Variants in LUC7L3 observed in about 807,000 individuals in gnomAD.
LUC7L3 encodes luc7-like protein 3.
Under a neutral mutation model 66.8 loss-of-function variants are expected in LUC7L3, and 6 were observed. That is an observed-to-expected ratio of 0.09 (90% CI 0.05 to 0.18). The LOEUF (loss-of-function observed/expected upper bound fraction) is 0.18. Among genes scored for constraint, LUC7L3 ranks in the 10% least tolerant of loss-of-function variants. The pLI is 1.00. For missense variants in LUC7L3, 341 were observed against 531.1 expected, an observed-to-expected ratio of 0.64 and a Z score of 3.52; for synonymous variants, 160 against 174.7, an observed-to-expected ratio of 0.92 and a Z score of 0.66.
rs1012617151 is a variant in LUC7L3, at chr17:50,740,238, T to G, written c.167-68T>G. On this transcript the variant is annotated intron_variant, in intron 2 of 9. Coordinates refer to ENST00000505658, the MANE Select transcript of LUC7L3 (RefSeq NM_016424.5). ...TTCTTTTTAAAAAGAAAAATAACTC[T>G]TTTTTTTTGGCAAGAAAAGGTTGCT... 11 of 1,084,774 alleles carry G rather than the reference T, an allele frequency of 1.0e-5. No homozygotes were observed. In the African/African-American group the frequency reaches 2.8e-4, roughly 27 times the overall value. 67.2% of individuals were successfully genotyped at this position (1,084,774 alleles called of 1,614,324 possible). A position where few individuals can be genotyped will look rare whatever the true frequency, so the allele number is the denominator to read the frequency against.
At chr17:50,733,077 T>C (rs1969730504) in intron 1 of LUC7L3, among the ~76,000 whole-genome samples, 1 of 152,194 alleles carries the variant, frequency 6.6e-6, no homozygotes, top group Non-Finnish European at 1.5e-5. Flanking sequence ...ACCTTAAACT[T>C]ACGAAACACT....
chr17:50,753,339 G>C lies in LUC7L3; in HGVS notation c.*2678G>C, dbSNP rs906333753. On this transcript the variant is annotated 3_prime_UTR_variant, in exon 10 of 10. Coordinates refer to ENST00000505658, the MANE Select transcript of LUC7L3 (RefSeq NM_016424.5). Reference sequence around the variant, plus strand: ...TGACTTATCCAGGGAGGGTCCTGTGGCTTCATGTTTATGGAGTTGCTAGGT... The same window carrying C: ...TGACTTATCCAGGGAGGGTCCTGTGCCTTCATGTTTATGGAGTTGCTAGGT... 1.3e-5 allele frequency: 2 copies of C among 152,588 alleles called. No homozygotes were observed. The highest frequency in any genetic ancestry group is 3.9e-4 in the East Asian group (2 of 5,194). 9.5% of individuals were successfully genotyped at this position (152,588 alleles called of 1,614,324 possible).
intron 1 of LUC7L3, among the ~76,000 whole-genome samples, chr17:50,733,405 T>G (rs865966840): frequency 2.8e-4 from 32 of 113,424 alleles, no homozygotes; most frequent in African/African-American, 7.0e-4. Context: ...CTAGTTTTTT[T>G]TTTTTTTTTT....
intron 1 of LUC7L3, among the ~76,000 whole-genome samples, chr17:50,728,277 T>C (rs1320953308): frequency 2.0e-5 from 3 of 152,154 alleles, no homozygotes; most frequent in Non-Finnish European, 2.9e-5. Flanking sequence ...AGGCAATAAA[T>C]AGTGAATCAT....
intron 5 of LUC7L3, among the ~76,000 whole-genome samples, chr17:50,743,280 C>T (rs1970465403): frequency 6.6e-6 from 1 of 152,092 alleles, no homozygotes; most frequent in South Asian, 2.1e-4. Context: ...CTCACTGCAG[C>T]CTCCTCCTCC....
chr17:50,727,054 A>G (rs1597893804), intron 1 of LUC7L3, among the ~76,000 whole-genome samples: 2 of 152,060 alleles, frequency 1.3e-5, no homozygotes, highest in Admixed American at 6.6e-5. Context: ...ATGCCACCGC[A>G]CTCCAGCCTG....
rs774725237 is a variant in LUC7L3 at position 50,746,612 on chromosome 17, CGAA to C, written c.1054_1056del (p.Arg352del). On this transcript the variant is annotated inframe_deletion, in exon 9 of 10. Coordinates refer to ENST00000505658, the MANE Select transcript of LUC7L3 (RefSeq NM_016424.5). ...AAAACACAGATCTCGAAGTCGGGAT[CGAA>C]GAAGATCAAAAAGCCGGGATCGAAA... The C allele has an allele frequency of 3.1e-6, 5 of 1,613,630 alleles. No individual in the cohort carries two copies. Among genetic ancestry groups the C allele is most frequent in the East Asian group, 2.2e-5 (1 of 44,870 alleles).
intron 8 of LUC7L3, 146 bp from the exon 9 acceptor site, chr17:50,746,395 CA>C (rs1404975337): frequency 5.4e-6 from 4 of 740,708 alleles, no homozygotes; most frequent in Non-Finnish European, 6.6e-6. Flanking sequence ...GAAAGATTTT[CA>C]ATAATTTTTA....
At chr17:50,735,243 A>G (rs1969899681) in intron 1 of LUC7L3, among the ~76,000 whole-genome samples, 1 of 85,736 alleles carries the variant, frequency 1.2e-5, no homozygotes. Context: ...AAAAAAAAAA[A>G]AAGAAAAAAA....
chr17:50,725,776 CAA>C (rs1483928200), intron 1 of LUC7L3, among the ~76,000 whole-genome samples: 1 of 152,122 alleles, frequency 6.6e-6, no homozygotes, highest in African/African-American at 2.4e-5. Flanking sequence ...AAGTACATCA[CAA>C]ATACATAAAA....
chr17:50,720,798 C>T (rs1311629439), intron 1 of LUC7L3, among the ~76,000 whole-genome samples: 4 of 152,166 alleles, frequency 2.6e-5, no homozygotes. Context: ...TAAACGTAGG[C>T]TTTGGTTAAG....
intron 1 of LUC7L3, among the ~76,000 whole-genome samples, chr17:50,721,489 T>C (rs376924084): frequency 6.6e-6 from 1 of 152,212 alleles, no homozygotes; most frequent in Non-Finnish European, 1.5e-5. Context: ...TTTTCACTAA[T>C]TTTAACTTTC....
At chr17:50,735,230 CAAAAAAAAA>C (rs907051149) in intron 1 of LUC7L3, among the ~76,000 whole-genome samples, 6 of 64,996 alleles carry the variant, frequency 9.2e-5, no homozygotes, top group African/African-American at 1.7e-4. Context: ...AACTCTGTCT[CAAAAAAAAA>C]AAAAAAGAAA....
intron 5 of LUC7L3, among the ~76,000 whole-genome samples, chr17:50,743,365 A>AT (rs997074907): frequency 2.0e-3 from 287 of 146,928 alleles, no homozygotes; most frequent in African/African-American, 4.4e-3. Flanking sequence ...TGCCTGGCTA[A>AT]TTTTTTTTTT....
Position 50,745,973 on chromosome 17 carries a change from G to C in LUC7L3, c.947G>C (p.Arg316Thr). The C allele has an allele frequency of 2.5e-6, 4 of 1,603,336 alleles. No individual in the cohort carries two copies. The highest frequency in any genetic ancestry group is 3.4e-6 in the Non-Finnish European group (4 of 1,177,404). The change falls in exon 8 of 10, where the codon AGG becomes ACG. Residue 316 changes from arginine (R) to threonine (T), a missense_variant. Physicochemically the swap from Arg to Thr is moderately conservative, Grantham distance 71. This residue lies in a region of LUC7L3 where 210 missense variants were observed against 238.1 expected (regional missense o/e 0.88). Transcript: ENST00000505658. ...TGCAGCAGGTCTCGGGACCACAAAA[G>C]GTCACGAAGTAGAGAAAGAAGGCGG... ...RRCSRSRDHK[R>T]SRSRERRRSR... is the part of the protein sequence containing the mutation.
intron 1 of LUC7L3, among the ~76,000 whole-genome samples, chr17:50,727,948 C>CAAAA (rs5820830): frequency 7.5e-6 from 1 of 134,028 alleles, no homozygotes; most frequent in African/African-American, 2.7e-5. Flanking sequence ...ACTAAAAATA[C>CAAAA]AAAAAAAAAA....
chr17:50,728,110 C>T (rs1451723928), intron 1 of LUC7L3, among the ~76,000 whole-genome samples: 1 of 88,512 alleles, frequency 1.1e-5, no homozygotes, highest in African/African-American at 4.8e-5. Context: ...AGAGCGAGAT[C>T]TGTCTCAAAA....
chr17:50,727,456 T>A (rs1458335848), intron 1 of LUC7L3, among the ~76,000 whole-genome samples: 1 of 152,054 alleles, frequency 6.6e-6, no homozygotes, highest in Non-Finnish European at 1.5e-5. Flanking sequence ...AGAATGGGAA[T>A]TCACTCCCAC....
chr17:50,731,620 G>T (rs1969610703), intron 1 of LUC7L3, among the ~76,000 whole-genome samples: 1 of 152,196 alleles, frequency 6.6e-6, no homozygotes, highest in African/African-American at 2.4e-5. Context: ...CTGGTTTATT[G>T]TGTAGAGTAA....
Sources: allele counts gnomAD v4.1 joint callset (sites outside exome capture counted in the v4.1 genomes callset), GRCh38; gene constraint gnomAD v4.1.1; regional missense constraint gnomAD v4.1.1; transcripts MANE v1.5; gene names NCBI Gene and HGNC (gene_info 2026-07-23, HGNC 2026-07-21).